KCNIP4: variants seen among roughly 807,000 people sequenced by gnomAD.
KCNIP4 encodes potassium voltage-gated channel interacting protein 4, also known as Kv channel-interacting protein 4.
In KCNIP4, 12 loss-of-function variants were observed where a neutral mutation model predicts 34.0. The observed-to-expected ratio is 0.35, with a 90% CI of 0.23 to 0.57. The LOEUF (loss-of-function observed/expected upper bound fraction) is 0.57, where lower values mean the gene tolerates loss of function less well. Ranked by LOEUF, KCNIP4 falls within the 20% of genes least tolerant of loss-of-function variation. The pLI, the probability that KCNIP4 is intolerant of heterozygous loss-of-function variation, is 0.83. For synonymous variants in KCNIP4, 124 were observed against 102.2 expected, an observed-to-expected ratio of 1.21 and a Z score of -1.29; for missense variants, 238 against 311.7, an observed-to-expected ratio of 0.76 and a Z score of 1.78.
intron 1 of KCNIP4, among the ~76,000 whole-genome samples, chr4:21,799,793 G>A (rs1395102725): frequency 6.6e-6 from 1 of 151,972 alleles, no homozygotes; most frequent in East Asian, 1.9e-4. Context: ...CCTAGAACAG[G>A]GGTTAGTAAA....
At chr4:20,785,347 A>G (rs745653946) in intron 3 of KCNIP4, among the ~76,000 whole-genome samples, 10 of 119,022 alleles carry the variant, frequency 8.4e-5, no homozygotes, top group Admixed American at 3.6e-4. Context: ...TTTTTTTGCT[A>G]CTGCATGCTT....
intron 1 of KCNIP4, among the ~76,000 whole-genome samples, chr4:21,191,791 A>T (rs1755666412): frequency 6.6e-6 from 1 of 152,194 alleles, no homozygotes; most frequent in South Asian, 2.1e-4. Flanking sequence ...CAGTTTCATC[A>T]TTCCCTCCTT....
At chr4:20,938,389 G>C (rs924440400) in intron 1 of KCNIP4, among the ~76,000 whole-genome samples, 2 of 152,082 alleles carry the variant, frequency 1.3e-5, no homozygotes, top group African/African-American at 4.8e-5. Context: ...GACTGTGCTT[G>C]TCACCTCTTA....
rs7657286 is a variant in KCNIP4, at chr4:21,859,606, C to T, written c.61+88965G>A. 5.4e-3 allele frequency among the ~76,000 whole-genome samples: 800 copies of T among 147,588 alleles called. 7 individuals carry two copies. Among genetic ancestry groups the T allele is most frequent in the African/African-American group, 0.019 (748 of 40,420 alleles). On this transcript the variant is annotated intron_variant, in intron 1 of 8. Coordinates refer to ENST00000382152, the MANE Select transcript of KCNIP4 (RefSeq NM_025221.6). ...TCGCGCCACTGCACTTCAGCCTGGG[C>T]GACAGAGCAAGACTCCATTTCAAAA...
chr4:20,834,901 C>T (rs1236210636), intron 3 of KCNIP4, among the ~76,000 whole-genome samples: 1 of 152,186 alleles, frequency 6.6e-6, no homozygotes, highest in Non-Finnish European at 1.5e-5. Flanking sequence ...TTGTCATTTA[C>T]TGAATATTGT....
intron 3 of KCNIP4, among the ~76,000 whole-genome samples, chr4:20,768,109 G>A (rs543802474): frequency 6.6e-6 from 1 of 152,334 alleles, no homozygotes; most frequent in African/African-American, 2.4e-5. Flanking sequence ...ACCAGATTCT[G>A]TGGACTTCTC....
At chr4:21,819,374 C>A (rs889730801) in intron 1 of KCNIP4, among the ~76,000 whole-genome samples, 1 of 152,206 alleles carries the variant, frequency 6.6e-6, no homozygotes, top group East Asian at 1.9e-4. Flanking sequence ...TTTCTTCAGT[C>A]TTCACCTTGA....
intron 1 of KCNIP4, among the ~76,000 whole-genome samples, chr4:21,924,535 C>T (rs757198708): frequency 1.3e-5 from 2 of 151,956 alleles, no homozygotes; most frequent in African/African-American, 4.8e-5. Flanking sequence ...TGAGCCACCG[C>T]GCCTGGACAA....
intron 1 of KCNIP4, among the ~76,000 whole-genome samples, chr4:21,526,256 A>G (rs1735966297): frequency 6.6e-6 from 1 of 152,032 alleles, no homozygotes; most frequent in African/African-American, 2.4e-5. Flanking sequence ...GTGATAGTGA[A>G]TAAGTCTCAT....
chr4:21,601,154 C>T (rs959865281), intron 1 of KCNIP4, among the ~76,000 whole-genome samples: 20 of 151,736 alleles, frequency 1.3e-4, no homozygotes, highest in Non-Finnish European at 2.4e-4. Context: ...CACCAATCTC[C>T]CTCCTCTCAA....
At chr4:21,782,543 A>T (rs1012780626) in intron 1 of KCNIP4, among the ~76,000 whole-genome samples, 12 of 152,194 alleles carry the variant, frequency 7.9e-5, no homozygotes, top group Admixed American at 3.3e-4. Flanking sequence ...AATTTTTTTT[A>T]AAAAATTAGC....
At chr4:21,054,623 A>C (rs1219380324) in intron 1 of KCNIP4, among the ~76,000 whole-genome samples, 1 of 151,354 alleles carries the variant, frequency 6.6e-6, no homozygotes, top group Non-Finnish European at 1.5e-5. Flanking sequence ...AAAGGAGCAA[A>C]GGTAATACAA....
rs970036325 is a variant in KCNIP4, at chr4:20,913,417, G to A, written c.62-30708C>T. On this transcript the variant is annotated intron_variant, in intron 1 of 8. Transcript: ENST00000382152. The stretch of plus-strand genomic sequence containing the variant: ...TAGCAAGTAACTGCTAATGGGAATG[G>A]GGTTTCTTTTGGGGTGATAAAAATG... Among the ~76,000 whole-genome samples the A allele has an allele frequency of 5.9e-5, 9 of 152,222 alleles. No individual in the cohort carries two copies. The East Asian group carries it at 1.7e-3, about 29-fold the overall frequency.
At chr4:21,462,352 C>A (rs1401655937) in intron 1 of KCNIP4, among the ~76,000 whole-genome samples, 5 of 152,120 alleles carry the variant, frequency 3.3e-5, no homozygotes, top group Admixed American at 3.3e-4. Context: ...CAAGTCACGT[C>A]TTACGTGGAT....
intron 1 of KCNIP4, among the ~76,000 whole-genome samples, chr4:21,032,718 T>C (rs1465081170): frequency 6.6e-6 from 1 of 152,046 alleles, no homozygotes; most frequent in East Asian, 1.9e-4. Flanking sequence ...GGGCTGGTGA[T>C]TTGTAATTAA....
chr4:21,346,109 A>G (rs1056367914), intron 1 of KCNIP4, among the ~76,000 whole-genome samples: 2 of 121,958 alleles, frequency 1.6e-5, no homozygotes, highest in African/African-American at 6.2e-5. Context: ...TTAAATATAT[A>G]TAAATATATA....
intron 1 of KCNIP4, among the ~76,000 whole-genome samples, chr4:21,140,706 A>C (rs1241805083): frequency 6.6e-6 from 1 of 152,100 alleles, no homozygotes; most frequent in Non-Finnish European, 1.5e-5. Flanking sequence ...CCAGTTTTCC[A>C]GTCTTTTTTC....
intron 1 of KCNIP4, among the ~76,000 whole-genome samples, chr4:20,948,329 C>A (rs1732415417): frequency 6.6e-6 from 1 of 152,198 alleles, no homozygotes; most frequent in Admixed American, 6.5e-5. Flanking sequence ...ATTTCTAGTT[C>A]AATTTGACAA....
At chr4:21,569,701 C>T (rs199802209) in intron 1 of KCNIP4, among the ~76,000 whole-genome samples, 1 of 151,966 alleles carries the variant, frequency 6.6e-6, no homozygotes, top group African/African-American at 2.4e-5. Context: ...ATTGGTTACT[C>T]GGGTGATTAA....
Sources: allele counts gnomAD v4.1 joint callset (sites outside exome capture counted in the v4.1 genomes callset), GRCh38; gene constraint gnomAD v4.1.1; transcripts MANE v1.5; gene names NCBI Gene and HGNC (gene_info 2026-07-23, HGNC 2026-07-21).